SLC29A4: variants seen among roughly 807,000 people sequenced by gnomAD.
SLC29A4 encodes equilibrative nucleoside transporter 4.
SLC29A4 carries 36 observed loss-of-function variants against 43.9 expected under a neutral mutation model. The observed-to-expected ratio is 0.82, with a 90% confidence interval of 0.63 to 1.08. SLC29A4 has a LOEUF of 1.08. Ranked by LOEUF, SLC29A4 falls within the 50% of genes least tolerant of loss-of-function variation. SLC29A4 has a pLI of 0.00. For missense variants in SLC29A4, 869 were observed against 755.3 expected (o/e 1.15, Z -1.77); for synonymous variants, 491 against 338.0 (o/e 1.45, Z -4.97).
chr7:5,297,731 C>T (rs1785811710), intron 7 of SLC29A4, among the ~76,000 whole-genome samples: 1 of 152,284 alleles, frequency 6.6e-6, no homozygotes, highest in East Asian at 1.9e-4. Context: ...GCGGGGCCCC[C>T]AGAATTTCCC....
chr7:5,287,909 C>T lies in SLC29A4; in HGVS notation c.93C>T (p.His31=), dbSNP rs542964211. Residue 31 remains histidine, a synonymous_variant, in exon 2 of 11, where the codon CAC becomes CAT. Coordinates refer to ENST00000396872, the MANE Select transcript of SLC29A4 (RefSeq NM_153247.4). The part of the protein sequence containing the change: ...GVVMSFTFDS[H]QLEEAAEAAQ... ...TGATGAGCTTCACCTTCGACAGTCACCAGCTGGAGGAGGCGGCGGAGGCGG... is the reference window on the plus strand; with the variant it reads ...TGATGAGCTTCACCTTCGACAGTCATCAGCTGGAGGAGGCGGCGGAGGCGG... The T allele has an allele frequency of 9.3e-6, 15 of 1,612,098 alleles. No individual in the cohort carries two copies. In the East Asian group the frequency reaches 2.9e-4, roughly 31 times the overall value.
intron 4 of SLC29A4, 146 bp from the exon 5 acceptor site, chr7:5,291,547 C>A (rs561117847): frequency 8.9e-7 from 1 of 1,118,926 alleles, no homozygotes; most frequent in Admixed American, 2.7e-5. Flanking sequence ...TCCAGGTGCC[C>A]CTGTTAGACT....
intron 5 of SLC29A4, among the ~76,000 whole-genome samples, chr7:5,293,219 C>A (rs1007303011): frequency 2.9e-5 from 4 of 136,326 alleles, no homozygotes; most frequent in Admixed American, 1.6e-4. Flanking sequence ...GGCTGGAGTG[C>A]AGAGTGCAGT....
At chr7:5,298,617 C>T (rs1370908027) in intron 7 of SLC29A4, among the ~76,000 whole-genome samples, 2 of 152,028 alleles carry the variant, frequency 1.3e-5, no homozygotes, top group African/African-American at 2.4e-5. Context: ...CATAGCAAGA[C>T]CCTGTGTCTA....
At chr7:5,289,385 ACT>A (rs1785166656) in intron 2 of SLC29A4, among the ~76,000 whole-genome samples, 1 of 151,768 alleles carries the variant, frequency 6.6e-6, no homozygotes, top group South Asian at 2.1e-4. Flanking sequence ...CAACGGCGAG[ACT>A]CTGAAAAAAA....
rs1434801405 is a variant in SLC29A4, at chr7:5,297,077, G to A, written c.761G>A (p.Arg254His). 10 of 1,607,668 alleles carry A rather than the reference G, an allele frequency of 6.2e-6. No individual in the cohort carries two copies. The highest frequency in any genetic ancestry group is 5.5e-5 in the South Asian group (5 of 91,024). Residue 254 changes from arginine to histidine, a missense_variant, in exon 7 of 11, where the codon CGC (arginine) becomes CAC (histidine). Coordinates refer to ENST00000396872, the MANE Select transcript of SLC29A4 (RefSeq NM_153247.4). ...LCFLLHLLVRRSRFVLFYTTR... is the reference protein window; with the variant it reads ...LCFLLHLLVRHSRFVLFYTTR... ...TTCCTGCTGCACCTGTTAGTGCGGC[G>A]CAGCCGCTTCGTGCTCTTCTATACC...
chr7:5,304,001 C>G lies in SLC29A4; in HGVS notation c.*1062C>G, dbSNP rs777312375. On this transcript the variant is annotated 3_prime_UTR_variant, in exon 11 of 11. Coordinates refer to ENST00000396872, the MANE Select transcript of SLC29A4 (RefSeq NM_153247.4). ...TGTTTCACCCCTGCTGTGTCCCATC[C>G]CCCGTCTGTCCACTAACTGTACCGC... 1 of 152,360 alleles carries G rather than the reference C, an allele frequency of 6.6e-6. No homozygotes were observed. The highest frequency in any genetic ancestry group is 2.4e-5 in the African/African-American group (1 of 41,472). The allele number at this position is 152,360 out of a possible 1,614,324, so 9.4% of individuals were successfully genotyped here.
intron 6 of SLC29A4, among the ~76,000 whole-genome samples, chr7:5,295,677 C>T (rs1785600429): frequency 1.3e-5 from 2 of 152,216 alleles, no homozygotes; most frequent in South Asian, 4.1e-4. Flanking sequence ...CAGGTCAAGA[C>T]CCACTTGGCC....
rs180778638 is a variant in SLC29A4, at chr7:5,288,405, C to T, written c.169+420C>T. Among the ~76,000 whole-genome samples the T allele has an allele frequency of 4.2e-3, 613 of 146,040 alleles. 13 individuals are homozygous for T. The highest frequency in any genetic ancestry group is 4.6e-3 in the East Asian group (23 of 4,954). On this transcript the variant is annotated intron_variant, in intron 2 of 10. Coordinates refer to ENST00000396872, the MANE Select transcript of SLC29A4 (RefSeq NM_153247.4). The stretch of plus-strand genomic sequence containing the variant: ...CTGCAAGCTCCGCCTCCTGGGTTCA[C>T]GCCATTCTCCTGCCTCAGCCTCCCA...
chr7:5,286,956 C>T (rs1429704146), intron 1 of SLC29A4, among the ~76,000 whole-genome samples: 1 of 152,264 alleles, frequency 6.6e-6, no homozygotes, highest in Non-Finnish European at 1.5e-5. Context: ...CTCCCCAAGT[C>T]CTGGCATCGT....
intron 1 of SLC29A4, among the ~76,000 whole-genome samples, chr7:5,286,263 G>A (rs1784938792): frequency 6.6e-6 from 1 of 152,116 alleles, no homozygotes; most frequent in South Asian, 2.1e-4. Flanking sequence ...GGTGGCTCAG[G>A]CCTGTAATCC....
chr7:5,286,389 G>A (rs111814775), intron 1 of SLC29A4, among the ~76,000 whole-genome samples: 2,482 of 151,802 alleles, frequency 0.016, 30 homozygotes, highest in Middle Eastern at 0.044. Context: ...CGGGTGTGGC[G>A]GCGGGCACCT....
At chr7:5,297,509 A>T (rs1785793988) in intron 7 of SLC29A4, among the ~76,000 whole-genome samples, 1 of 152,132 alleles carries the variant, frequency 6.6e-6, no homozygotes, top group Admixed American at 6.5e-5. Flanking sequence ...ACTCCACATG[A>T]TGTACACTAA....
Position 5,303,215 on chromosome 7 carries a change from G to A in SLC29A4, c.*276G>A. On this transcript the variant is annotated 3_prime_UTR_variant, in exon 11 of 11. Coordinates refer to ENST00000396872, the MANE Select transcript of SLC29A4 (RefSeq NM_153247.4). ...TGCGTCTACCTTCCATCTGTGTCCA[G>A]CGGCCCCGGCTCCAGCCCAGCCAGC... is the stretch of plus-strand genomic sequence containing the variant. The A allele has an allele frequency of 1.9e-6, 1 of 530,182 alleles. No homozygotes were observed. Among genetic ancestry groups the A allele is most frequent in the South Asian group, 2.2e-5 (1 of 44,446 alleles). 32.8% of individuals were successfully genotyped at this position (530,182 alleles called of 1,614,324 possible).
At chr7:5,293,438 A>G (rs1304179415) in intron 5 of SLC29A4, among the ~76,000 whole-genome samples, 1 of 152,000 alleles carries the variant, frequency 6.6e-6, no homozygotes, top group Non-Finnish European at 1.5e-5. Flanking sequence ...CCAAAGTGCT[A>G]GGATTACAGG....
At chr7:5,286,288 G>C (rs1397742102) in intron 1 of SLC29A4, among the ~76,000 whole-genome samples, 1 of 152,076 alleles carries the variant, frequency 6.6e-6, no homozygotes, top group African/African-American at 2.4e-5. Flanking sequence ...ACTTTGGGAG[G>C]CCGAGGCGGG....
chr7:5,304,805 G>A lies in SLC29A4; in HGVS notation c.*1866G>A, dbSNP rs2128094180. The A allele has an allele frequency of 6.6e-6, 1 of 152,168 alleles. No individual in the cohort carries two copies. Among genetic ancestry groups the A allele is most frequent in the East Asian group, 1.9e-4 (1 of 5,166 alleles). The allele number at this position is 152,168 out of a possible 1,614,324, so 9.4% of individuals were successfully genotyped here. On this transcript the variant is annotated 3_prime_UTR_variant, in exon 11 of 11. Transcript: ENST00000396872. ...AGGTGTGAGCCACTGCACCCGTCCT[G>A]TGCCTCATTTTTGTTTTTTCTTTCT...
rs1253157037 is a variant in SLC29A4, at chr7:5,293,440, G to A, written c.545-1420G>A. On this transcript the variant is annotated intron_variant, in intron 5 of 10. Transcript: ENST00000396872. ...CTGCCTCAGCCTCCCAAAGTGCTAG[G>A]ATTACAGGCGTGAGCCACTATGCCT... Among the ~76,000 whole-genome samples, 5 of 151,926 alleles carry A rather than the reference G, an allele frequency of 3.3e-5. No individual in the cohort carries two copies. In the South Asian group the frequency reaches 1.0e-3, roughly 32 times the overall value.
rs1446092260 is a variant in SLC29A4, at chr7:5,297,199, G to A, written c.882+1G>A. 19 of 1,581,884 alleles carry A rather than the reference G, an allele frequency of 1.2e-5. No individual in the cohort carries two copies. The highest frequency in any genetic ancestry group is 1.6e-5 in the Non-Finnish European group (19 of 1,169,034). On this transcript the variant is annotated splice_donor_variant, in intron 7 of 10. Coordinates refer to ENST00000396872, the MANE Select transcript of SLC29A4 (RefSeq NM_153247.4). LOFTEE classifies it high-confidence loss of function. ...CGTTGTCGCCGGGGACGTCCACTTC[G>A]TAAGTGCGCACCGCCCACCTCTGTT...
Sources: gnomAD v4.1 joint callset for allele counts (sites outside exome capture counted in the v4.1 genomes callset) on GRCh38, gnomAD v4.1.1 for gene constraint, MANE v1.5 for transcripts, NCBI Gene and HGNC (gene_info 2026-07-23, HGNC 2026-07-21) for gene names.